The following TRPM3 variants were observed in gnomAD, a reference collection of about 807,000 sequenced individuals.
TRPM3 encodes the protein long transient receptor potential channel 3.
A neutral mutation model predicts 181.2 loss-of-function variants in TRPM3; 77 were observed. The observed-to-expected ratio is 0.42, with a 90% CI of 0.35 to 0.51. The LOEUF (loss-of-function observed/expected upper bound fraction) is 0.51. TRPM3 is among the 20% of genes least tolerant of loss of function. TRPM3 has a pLI of 0.01. For missense variants in TRPM3, 1,759 were observed against 2,196.7 expected (o/e 0.80, Z 3.98); for synonymous variants, 745 against 796.4 (o/e 0.94, Z 1.09).
At chr9:70,754,640 C>T (rs1412518983) in intron 8 of TRPM3, among the ~76,000 whole-genome samples, 1 of 152,150 alleles carries the variant, frequency 6.6e-6, no homozygotes, top group Non-Finnish European at 1.5e-5. Context: ...TTATGTAAGT[C>T]AGTTAAGTGC....
chr9:71,049,418 A>G (rs926331511), intron 1 of TRPM3, among the ~76,000 whole-genome samples: 1 of 152,180 alleles, frequency 6.6e-6, no homozygotes, highest in African/African-American at 2.4e-5. Context: ...ATAGTATATA[A>G]TATCAATACT....
chr9:70,976,968 C>T (rs895027094), intron 1 of TRPM3, among the ~76,000 whole-genome samples: 4 of 152,164 alleles, frequency 2.6e-5, no homozygotes, highest in African/African-American at 9.7e-5. Flanking sequence ...CACCACAGTG[C>T]TATTCCTCTC....
At chr9:71,259,390 C>A (rs1328836189) in intron 1 of TRPM3, among the ~76,000 whole-genome samples, 3 of 152,058 alleles carry the variant, frequency 2.0e-5, no homozygotes, top group African/African-American at 4.8e-5. Context: ...AATTTATAAT[C>A]CTTTGGGTAT....
At chr9:71,248,961 A>G (rs2082189587) in intron 1 of TRPM3, among the ~76,000 whole-genome samples, 1 of 152,200 alleles carries the variant, frequency 6.6e-6, no homozygotes, top group East Asian at 1.9e-4. Flanking sequence ...AAAACAGATA[A>G]ATCTCTAATG....
chr9:71,008,715 G>T (rs907566372), intron 1 of TRPM3, among the ~76,000 whole-genome samples: 2 of 152,036 alleles, frequency 1.3e-5, no homozygotes, highest in Non-Finnish European at 2.9e-5. Context: ...CATGGTGGGT[G>T]GTGCCTGTAA....
intron 6 of TRPM3, among the ~76,000 whole-genome samples, chr9:70,792,777 G>A (rs777217922): frequency 6.6e-5 from 10 of 152,078 alleles, no homozygotes; most frequent in Non-Finnish European, 1.3e-4. Context: ...TTCACCAGGG[G>A]TAGATAGTTT....
chr9:71,295,279 C>A (rs934432733), intron 1 of TRPM3, among the ~76,000 whole-genome samples: 3 of 151,546 alleles, frequency 2.0e-5, no homozygotes, highest in Non-Finnish European at 4.4e-5. Context: ...ATTTTCAAAG[C>A]CTGTGAATAG....
intron 7 of TRPM3, among the ~76,000 whole-genome samples, chr9:70,778,882 C>T (rs1014511170): frequency 3.3e-5 from 5 of 152,170 alleles, no homozygotes; most frequent in Non-Finnish European, 5.9e-5. Flanking sequence ...TTACAGACTA[C>T]ACTTCGGTTT....
chr9:71,186,175 G>C (rs2077667450), intron 1 of TRPM3, among the ~76,000 whole-genome samples: 1 of 151,948 alleles, frequency 6.6e-6, no homozygotes, highest in Non-Finnish European at 1.5e-5. Context: ...TAGACTAGGA[G>C]CCCATCCTGC....
intron 8 of TRPM3, among the ~76,000 whole-genome samples, chr9:70,749,753 G>A (rs2075803750): frequency 2.6e-5 from 4 of 152,156 alleles, no homozygotes. Flanking sequence ...TTGGTATAAA[G>A]TTATTCGTGC....
At chr9:71,226,009 TAAAAAAAAA>T in intron 1 of TRPM3, among the ~76,000 whole-genome samples, 57 of 34,710 alleles carry the variant, frequency 1.6e-3, no homozygotes, top group East Asian at 4.0e-3. Context: ...CAACAAAAGG[TAAAAAAAAA>T]AAAAAAAAAA....
At chr9:70,916,837 G>T (rs573001779) in intron 1 of TRPM3, among the ~76,000 whole-genome samples, 1 of 152,320 alleles carries the variant, frequency 6.6e-6, no homozygotes, top group South Asian at 2.1e-4. Flanking sequence ...ACAGTATGGT[G>T]ATACATCTAC....
At chr9:71,097,297 C>T (rs986314709) in intron 1 of TRPM3, among the ~76,000 whole-genome samples, 1 of 151,584 alleles carries the variant, frequency 6.6e-6, no homozygotes, top group African/African-American at 2.4e-5. Context: ...CATGGATATC[C>T]TAACTTTAGG....
intron 1 of TRPM3, among the ~76,000 whole-genome samples, chr9:71,116,338 A>G (rs1318861825): frequency 6.6e-6 from 1 of 152,234 alleles, no homozygotes; most frequent in Non-Finnish European, 1.5e-5. Context: ...CTTTGTAAAG[A>G]TTCAGAATTT....
At chr9:70,684,451 C>CT (rs1175288069) in intron 8 of TRPM3, among the ~76,000 whole-genome samples, 3 of 152,144 alleles carry the variant, frequency 2.0e-5, no homozygotes, top group Admixed American at 2.0e-4. Context: ...CAAGGGGAGG[C>CT]TGGAGGCTCC....
intron 1 of TRPM3, among the ~76,000 whole-genome samples, chr9:71,431,717 T>G (rs1244607644): frequency 6.6e-6 from 1 of 152,238 alleles, no homozygotes; most frequent in Non-Finnish European, 1.5e-5. Context: ...TCTGAAATTT[T>G]ATTTCATCTT....
At chr9:70,977,068 G>T (rs990180178) in intron 1 of TRPM3, among the ~76,000 whole-genome samples, 1 of 152,216 alleles carries the variant, frequency 6.6e-6, no homozygotes, top group African/African-American at 2.4e-5. Context: ...GTGATACAAA[G>T]ACTATAAACT....
At chr9:71,067,863 T>G (rs756183318) in intron 1 of TRPM3, among the ~76,000 whole-genome samples, 1 of 152,188 alleles carries the variant, frequency 6.6e-6, no homozygotes, top group Non-Finnish European at 1.5e-5. Context: ...CTAATTATAA[T>G]GTAACTTTGG....
At chr9:71,289,195 C>T (rs928054150) in intron 1 of TRPM3, among the ~76,000 whole-genome samples, 26 of 151,736 alleles carry the variant, frequency 1.7e-4, no homozygotes, top group Non-Finnish European at 2.6e-4. Flanking sequence ...GCAGAAAACG[C>T]TAACTGCAGG....
Sources: gnomAD v4.1 joint callset for allele counts (sites outside exome capture counted in the v4.1 genomes callset) on GRCh38, gnomAD v4.1.1 for gene constraint, MANE v1.5 for transcripts, NCBI Gene and HGNC (gene_info 2026-07-23, HGNC 2026-07-21) for gene names.